LMNTD1: variants seen among roughly 807,000 people sequenced by gnomAD.
LMNTD1 encodes lamin tail domain containing 1, also known as lamin tail domain-containing protein 1.
In LMNTD1, 35 loss-of-function variants were observed where a neutral mutation model predicts 50.9. That is an observed-to-expected ratio of 0.69 (90% CI 0.53 to 0.91). LMNTD1 has a LOEUF of 0.91. Among genes scored for constraint, LMNTD1 ranks in the 40% least tolerant of loss-of-function variants. The pLI, the probability that LMNTD1 is intolerant of heterozygous loss-of-function variation, is 0.00. For missense variants in LMNTD1, 470 were observed against 475.5 expected (o/e 0.99, Z 0.11); for synonymous variants, 153 against 161.9 (o/e 0.94, Z 0.42).
At chr12:25,612,928 G>A (rs1419963124) in intron 1 of LMNTD1, among the ~76,000 whole-genome samples, 1 of 152,154 alleles carries the variant, frequency 6.6e-6, no homozygotes, top group African/African-American at 2.4e-5. Flanking sequence ...AGTCTCAAGT[G>A]TTCTTATAGG....
chr12:25,490,402 G>C (rs1938846157), intron 9 of LMNTD1, among the ~76,000 whole-genome samples: 1 of 152,100 alleles, frequency 6.6e-6, no homozygotes, highest in Non-Finnish European at 1.5e-5. Context: ...TTACAAATCT[G>C]AACAAGGTAT....
At chr12:25,597,913 G>A (rs559530288) in intron 1 of LMNTD1, among the ~76,000 whole-genome samples, 62 of 152,268 alleles carry the variant, frequency 4.1e-4, no homozygotes, top group African/African-American at 1.5e-3. Context: ...ACCTTGAATT[G>A]TAATAATCCC....
intron 1 of LMNTD1, among the ~76,000 whole-genome samples, chr12:25,627,985 G>A (rs918885736): frequency 2.0e-5 from 3 of 150,974 alleles, no homozygotes; most frequent in Non-Finnish European, 4.4e-5. Flanking sequence ...GCGCGCGCCT[G>A]TAGTCCCAGC....
At chr12:25,646,070 G>T (rs766698030) in intron 1 of LMNTD1, among the ~76,000 whole-genome samples, 1 of 152,128 alleles carries the variant, frequency 6.6e-6, no homozygotes, top group Admixed American at 6.5e-5. Context: ...TTGAAGTCCT[G>T]TTTGTTGGCT....
intron 9 of LMNTD1, among the ~76,000 whole-genome samples, chr12:25,485,641 C>A (rs1938603136): frequency 8.1e-6 from 1 of 122,760 alleles, no homozygotes; most frequent in African/African-American, 3.2e-5. Context: ...GGTTTTAGGT[C>A]TAACGTTTAA....
At chr12:25,583,576 C>G (rs546916538) in intron 1 of LMNTD1, among the ~76,000 whole-genome samples, 73 of 152,252 alleles carry the variant, frequency 4.8e-4, no homozygotes, top group African/African-American at 1.5e-3. Flanking sequence ...TGGATTTCCC[C>G]GTATCTTTTT....
chr12:25,492,894 C>A (rs1044843366), intron 9 of LMNTD1, among the ~76,000 whole-genome samples: 2 of 151,932 alleles, frequency 1.3e-5, no homozygotes, highest in Admixed American at 1.3e-4. Flanking sequence ...TTTCTGGACT[C>A]ATCTCCTTGT....
intron 1 of LMNTD1, among the ~76,000 whole-genome samples, chr12:25,576,501 G>A (rs1417481614): frequency 1.3e-5 from 2 of 152,172 alleles, no homozygotes; most frequent in African/African-American, 4.8e-5. Flanking sequence ...TTTGAGAAGT[G>A]TCTGTTCATA....
At chr12:25,538,186 A>G (rs1395130696) in intron 4 of LMNTD1, among the ~76,000 whole-genome samples, 4 of 78,516 alleles carry the variant, frequency 5.1e-5, no homozygotes, top group Non-Finnish European at 1.3e-4. Context: ...CAATCTAGCA[A>G]GGCAGGCCAA....
chr12:25,516,873 C>A (rs1222950428), intron 8 of LMNTD1, among the ~76,000 whole-genome samples: 2 of 151,580 alleles, frequency 1.3e-5, no homozygotes, highest in Non-Finnish European at 2.9e-5. Flanking sequence ...AAAAAACAAA[C>A]AATGCCATCA....
intron 9 of LMNTD1, among the ~76,000 whole-genome samples, chr12:25,487,335 A>G (rs1318311883): frequency 7.3e-6 from 1 of 136,692 alleles, no homozygotes; most frequent in African/African-American, 2.8e-5. Flanking sequence ...GGGTGCATAT[A>G]TATTTAGGAT....
At chr12:25,477,243 T>G (rs12424412) in intron 9 of LMNTD1, among the ~76,000 whole-genome samples, 113,726 of 152,096 alleles carry the variant, frequency 0.75, 42,726 homozygotes, top group East Asian at 0.95. Flanking sequence ...TGAAGGGAAA[T>G]TGGGGCTGAC....
intron 9 of LMNTD1, among the ~76,000 whole-genome samples, chr12:25,497,258 G>A (rs2135927430): frequency 6.6e-6 from 1 of 152,194 alleles, no homozygotes; most frequent in East Asian, 1.9e-4. Context: ...CCTGCCCTTT[G>A]CAGCGAGGAT....
At chr12:25,628,111 A>G (rs1332718115) in intron 1 of LMNTD1, among the ~76,000 whole-genome samples, 1 of 64,004 alleles carries the variant, frequency 1.6e-5, no homozygotes, top group Non-Finnish European at 3.0e-5. Flanking sequence ...CCGTCTCAAA[A>G]AAAAAAAAAA....
At chr12:25,555,200 G>A (rs985742838), upstream of LMNTD1, among the ~76,000 whole-genome samples, 12 of 152,114 alleles carry the variant, frequency 7.9e-5, no homozygotes, top group Non-Finnish European at 1.0e-4. Flanking sequence ...TTAAATTCCG[G>A]AAAGACTCTA....
chr12:25,572,937 C>T (rs1248112913), intron 1 of LMNTD1, among the ~76,000 whole-genome samples: 1 of 152,112 alleles, frequency 6.6e-6, no homozygotes, highest in Non-Finnish European at 1.5e-5. Flanking sequence ...GTCACGCCTG[C>T]TCTCAGGGTC....
intron 1 of LMNTD1, among the ~76,000 whole-genome samples, chr12:25,647,251 G>A (rs934138509): frequency 6.6e-6 from 1 of 152,140 alleles, no homozygotes; most frequent in South Asian, 2.1e-4. Context: ...ATCCCACCAA[G>A]GCAGGTGGAT....
intron 9 of LMNTD1, among the ~76,000 whole-genome samples, chr12:25,480,404 G>T (rs955228885): frequency 6.6e-6 from 1 of 152,184 alleles, no homozygotes; most frequent in South Asian, 2.1e-4. Context: ...TTGCAGAAAG[G>T]TGTTCTGTGG....
At chr12:25,620,263 G>A (rs372824527) in intron 1 of LMNTD1, among the ~76,000 whole-genome samples, 1 of 152,012 alleles carries the variant, frequency 6.6e-6, no homozygotes, top group Non-Finnish European at 1.5e-5. Flanking sequence ...AACAAAAAAA[G>A]GCCTTTTTTA....
Sources: gnomAD v4.1 joint callset for allele counts (sites outside exome capture counted in the v4.1 genomes callset) on GRCh38, gnomAD v4.1.1 for gene constraint, MANE v1.5 for transcripts, NCBI Gene and HGNC (gene_info 2026-07-23, HGNC 2026-07-21) for gene names.